The following MYO16 variants were observed in gnomAD, a reference collection of about 807,000 sequenced individuals.
MYO16 encodes myosin XVI, also known as unconventional myosin-XVI.
Under a neutral mutation model 205.3 loss-of-function variants are expected in MYO16, and 94 were observed. The ratio of observed to expected loss-of-function variants is 0.46; its 90% CI spans 0.39 to 0.54. The LOEUF is 0.54. MYO16 is among the 20% of genes least tolerant of loss of function. The pLI is 0.00. For missense variants in MYO16, 2,315 were observed against 2,387.5 expected, an observed-to-expected ratio of 0.97 and a Z score of 0.63; for synonymous variants, 988 against 954.0, an observed-to-expected ratio of 1.04 and a Z score of -0.66.
At chr13:108,859,179 A>G (rs1878338032) in intron 11 of MYO16, among the ~76,000 whole-genome samples, 1 of 151,696 alleles carries the variant, frequency 6.6e-6, no homozygotes, top group Non-Finnish European at 1.5e-5. Flanking sequence ...CTACAAACAC[A>G]GACTGTCTGT....
chr13:108,730,762 A>C (rs1210667472), intron 4 of MYO16, among the ~76,000 whole-genome samples: 1 of 152,088 alleles, frequency 6.6e-6, no homozygotes. Context: ...CAATTTGGAG[A>C]AGTGTTATAT....
intron 23 of MYO16, among the ~76,000 whole-genome samples, chr13:109,023,670 A>AATATATGTATATATACATATATATGT (rs1164755343): frequency 6.2e-5 from 4 of 64,872 alleles, no homozygotes; most frequent in Admixed American, 1.8e-4. Flanking sequence ...TATATATGCA[A>AATATATGTATATATACATATATATGT]ATATATGTAT....
chr13:109,072,552 G>T (rs186332317), intron 27 of MYO16, among the ~76,000 whole-genome samples: 1 of 150,170 alleles, frequency 6.7e-6, no homozygotes, highest in East Asian at 2.0e-4. Flanking sequence ...TACTCCTAAT[G>T]GTTATAAAAT....
At chr13:108,829,350 A>C (rs1260043216) in intron 9 of MYO16, among the ~76,000 whole-genome samples, 1 of 152,250 alleles carries the variant, frequency 6.6e-6, no homozygotes, top group Admixed American at 6.5e-5. Context: ...TTCTTCACTT[A>C]TCTTTGAACT....
chr13:108,970,181 G>T (rs1048183912), intron 20 of MYO16, among the ~76,000 whole-genome samples: 1 of 152,140 alleles, frequency 6.6e-6, no homozygotes, highest in Non-Finnish European at 1.5e-5. Context: ...AGGCAGAATT[G>T]TTCACAACTT....
intron 4 of MYO16, among the ~76,000 whole-genome samples, chr13:108,753,822 C>G (rs1237876069): frequency 6.6e-6 from 1 of 152,126 alleles, no homozygotes; most frequent in Non-Finnish European, 1.5e-5. Context: ...GAGTCAGCAC[C>G]TTTCAAATTC....
chr13:108,949,744 A>G (rs1464137843), intron 16 of MYO16, among the ~76,000 whole-genome samples: 1 of 152,196 alleles, frequency 6.6e-6, no homozygotes, highest in Admixed American at 6.5e-5. Context: ...GAATAAAATC[A>G]GAGGAACTAC....
intron 27 of MYO16, among the ~76,000 whole-genome samples, chr13:109,061,848 C>T (rs937266740): frequency 6.6e-6 from 1 of 152,014 alleles, no homozygotes; most frequent in African/African-American, 2.4e-5. Context: ...GTGCAGGATG[C>T]GAAATGGGAT....
chr13:108,620,995 C>A (rs534771688), intron 1 of MYO16, among the ~76,000 whole-genome samples: 1 of 152,280 alleles, frequency 6.6e-6, no homozygotes, highest in East Asian at 1.9e-4. Context: ...AGGTACTATC[C>A]TTTAGCCTTG....
Position 109,019,713 on chromosome 13 carries a change from G to A in MYO16, c.2598G>A (p.Lys866=), listed in dbSNP as rs1172386702. ...CCCCATCTCTTCTTAACTCTCAGAA[G>A]CCATCTGGATTTCTCACCTTATTGG... ...QNGVLDFFFQ[K]PSGFLTLLDE... is the part of the protein sequence containing the mutation. The change falls in exon 23 of 35, where the codon AAG becomes AAA. Residue 866 remains lysine (K), a splice_region_variant and synonymous_variant. Coordinates refer to ENST00000457511, the MANE Select transcript of MYO16 (RefSeq NM_001198950.3). 6 of 1,612,850 alleles carry A rather than the reference G, an allele frequency of 3.7e-6. No individual in the cohort carries two copies. In the Admixed American group the frequency reaches 6.7e-5, roughly 18 times the overall value.
At chr13:108,975,318 A>G (rs1446459033) in intron 20 of MYO16, among the ~76,000 whole-genome samples, 1 of 152,106 alleles carries the variant, frequency 6.6e-6, no homozygotes, top group African/African-American at 2.4e-5. Flanking sequence ...CTATGTGTAA[A>G]TGCTTGTGAT....
intron 3 of MYO16, among the ~76,000 whole-genome samples, chr13:108,713,031 A>G (rs540234126): frequency 2.6e-3 from 392 of 152,274 alleles, no homozygotes; most frequent in Non-Finnish European, 3.7e-3. Context: ...CTTTTTTCCT[A>G]CAAGTTGTCC....
chr13:109,012,775 G>A (rs1422784587), intron 22 of MYO16, among the ~76,000 whole-genome samples: 5 of 94,964 alleles, frequency 5.3e-5, no homozygotes, highest in Non-Finnish European at 1.0e-4. Flanking sequence ...TTATATGTGT[G>A]TGTGTATATA....
the MYO16 span, among the ~76,000 whole-genome samples, chr13:108,568,706 TTTA>T: frequency 3.4e-4 from 20 of 58,672 alleles, no homozygotes; most frequent in Non-Finnish European, 7.3e-4. Context: ...GTTTATCTAC[TTTA>T]TTATTATTAT....
At chr13:108,551,185 C>T in the MYO16 span, among the ~76,000 whole-genome samples, 1 of 152,168 alleles carries the variant, frequency 6.6e-6, no homozygotes, top group Non-Finnish European at 1.5e-5. Context: ...TCAGTAATTC[C>T]TTCTTGTGCC....
chr13:109,081,951 G>C (rs1354099104), intron 27 of MYO16, among the ~76,000 whole-genome samples: 1 of 152,138 alleles, frequency 6.6e-6, no homozygotes, highest in Admixed American at 6.5e-5. Context: ...TTTAAATAAA[G>C]TTTCATTGTT....
intron 23 of MYO16, among the ~76,000 whole-genome samples, chr13:109,032,682 A>C (rs1886582066): frequency 6.6e-6 from 1 of 152,236 alleles, no homozygotes; most frequent in Non-Finnish European, 1.5e-5. Context: ...ATGGGCAGGC[A>C]CACACATAAA....
At chr13:108,736,565 G>A (rs2139602509) in intron 4 of MYO16, among the ~76,000 whole-genome samples, 1 of 152,286 alleles carries the variant, frequency 6.6e-6, no homozygotes, top group African/African-American at 2.4e-5. Context: ...ATAGTTTGAA[G>A]TCAGGTAGCG....
intron 28 of MYO16, among the ~76,000 whole-genome samples, chr13:109,107,252 CTT>C (rs1391679548): frequency 6.6e-6 from 1 of 152,134 alleles, no homozygotes; most frequent in Admixed American, 6.5e-5. Flanking sequence ...AATTCACAAT[CTT>C]TGTTTTTATC....
Sources: gnomAD v4.1 joint callset for allele counts (sites outside exome capture counted in the v4.1 genomes callset) on GRCh38, gnomAD v4.1.1 for gene constraint, MANE v1.5 for transcripts, NCBI Gene and HGNC (gene_info 2026-07-23, HGNC 2026-07-21) for gene names.